The following MAGI2 variants were observed in gnomAD, a reference collection of about 807,000 sequenced individuals.
MAGI2 encodes the protein membrane associated guanylate kinase, WW and PDZ domain containing 2.
A neutral mutation model predicts 133.3 loss-of-function variants in MAGI2; 35 were observed. That is an observed-to-expected ratio of 0.26 (90% CI 0.20 to 0.35). The LOEUF (loss-of-function observed/expected upper bound fraction) is 0.35. Ranked by LOEUF, MAGI2 falls within the 10% of genes least tolerant of loss-of-function variation. The pLI, the probability that MAGI2 is intolerant of heterozygous loss-of-function variation, is 1.00. For synonymous variants in MAGI2, 729 were observed against 710.6 expected (o/e 1.03, Z -0.41); for missense variants, 1,636 against 1,863.4 (o/e 0.88, Z 2.25).
At chr7:78,557,010 T>G (rs1333446931) in intron 3 of MAGI2, among the ~76,000 whole-genome samples, 1 of 142,178 alleles carries the variant, frequency 7.0e-6, no homozygotes, top group Non-Finnish European at 1.5e-5. Flanking sequence ...AGAATGGTGT[T>G]AATCGGGCAG....
chr7:78,198,422 G>A (rs562793345), intron 11 of MAGI2, among the ~76,000 whole-genome samples: 3 of 144,624 alleles, frequency 2.1e-5, no homozygotes, highest in South Asian at 4.5e-4. Flanking sequence ...GTTCATGGCT[G>A]TGGCCGTTTT....
intron 9 of MAGI2, among the ~76,000 whole-genome samples, chr7:78,298,830 T>G (rs1797563899): frequency 6.8e-6 from 1 of 146,658 alleles, no homozygotes; most frequent in Admixed American, 6.8e-5. Context: ...TTTTTTTTTT[T>G]TTTGAGCTGG....
At chr7:78,742,712 A>G (rs6980006) in intron 2 of MAGI2, among the ~76,000 whole-genome samples, 146,814 of 152,312 alleles carry the variant, frequency 0.96, 70,794 homozygotes, top group East Asian at 1. Context: ...TCCATCAAGA[A>G]GTTAAATCTA....
At position 78,110,964 on chromosome 7, in the gene MAGI2, T is replaced by A. The variant is rs529444650; in HGVS notation, c.3567+14730A>T. 5.7e-4 allele frequency among the ~76,000 whole-genome samples: 87 copies of A among 152,270 alleles called. 5 individuals are homozygous for A. In the South Asian group the frequency reaches 0.018, roughly 31 times the overall value. ...TGCAAACCAAATCCTGTGTGAATCA[T>A]GATCAAGGTGCATTTCATATCCATT... On this transcript the variant is annotated intron_variant, in intron 20 of 21. Transcript: ENST00000354212.
At chr7:78,327,718 C>G (rs1455006008) in intron 9 of MAGI2, among the ~76,000 whole-genome samples, 1 of 152,096 alleles carries the variant, frequency 6.6e-6, no homozygotes, top group African/African-American at 2.4e-5. Flanking sequence ...AATGAATGAG[C>G]AAGTGGATGC....
intron 1 of MAGI2, among the ~76,000 whole-genome samples, chr7:79,342,012 T>C (rs1407501537): frequency 1.3e-5 from 2 of 152,228 alleles, no homozygotes; most frequent in Admixed American, 1.3e-4. Context: ...AACTAACTTT[T>C]CTTGAACTTG....
intron 21 of MAGI2, among the ~76,000 whole-genome samples, chr7:78,077,393 G>A (rs1010925969): frequency 6.9e-6 from 1 of 145,046 alleles, no homozygotes; most frequent in Non-Finnish European, 1.5e-5. Flanking sequence ...TCATGCCTGT[G>A]CTTATTGATA....
intron 1 of MAGI2, among the ~76,000 whole-genome samples, chr7:79,387,618 G>A (rs1844286373): frequency 6.6e-6 from 1 of 151,576 alleles, no homozygotes; most frequent in African/African-American, 2.4e-5. Context: ...ATTCTCTTTT[G>A]TCATAATCAT....
chr7:79,438,244 C>T (rs1291823407), intron 1 of MAGI2, among the ~76,000 whole-genome samples: 2 of 152,110 alleles, frequency 1.3e-5, no homozygotes, highest in Admixed American at 6.6e-5. Flanking sequence ...CGAGCCGGCG[C>T]TCATTATTCT....
At chr7:78,660,413 A>G (rs1411107951) in intron 2 of MAGI2, among the ~76,000 whole-genome samples, 3 of 149,870 alleles carry the variant, frequency 2.0e-5, no homozygotes, top group African/African-American at 7.4e-5. Flanking sequence ...ACTATTTTAT[A>G]GTGCTTCTCA....
At position 78,965,653 on chromosome 7, in the gene MAGI2, C is replaced by T. The variant is rs189910021; in HGVS notation, c.418+41437G>A. Reference sequence around the variant, plus strand: ...AGTTTACCAGAATATCAGAAACCATCCCTTTTAGATTAGTTGAAGATATAT... The same window carrying T: ...AGTTTACCAGAATATCAGAAACCATTCCTTTTAGATTAGTTGAAGATATAT... On this transcript the variant is annotated intron_variant, in intron 2 of 21. Coordinates refer to ENST00000354212, the MANE Select transcript of MAGI2 (RefSeq NM_012301.4). Among the ~76,000 whole-genome samples, 22 of 151,982 alleles carry T rather than the reference C, an allele frequency of 1.4e-4. No homozygotes were observed. In the South Asian group the frequency reaches 4.6e-3, roughly 32 times the overall value.
At chr7:78,670,047 A>C (rs2151069319) in intron 2 of MAGI2, among the ~76,000 whole-genome samples, 1 of 151,802 alleles carries the variant, frequency 6.6e-6, no homozygotes, top group Non-Finnish European at 1.5e-5. Context: ...CTCCTATTCA[A>C]CATAGTGTTG....
intron 9 of MAGI2, among the ~76,000 whole-genome samples, chr7:78,259,696 C>T (rs1193385640): frequency 1.3e-5 from 2 of 152,126 alleles, no homozygotes; most frequent in South Asian, 2.1e-4. Context: ...CTCTAAGGCT[C>T]TCCCTAACTT....
intron 21 of MAGI2, among the ~76,000 whole-genome samples, chr7:78,042,437 T>G (rs1438996305): frequency 2.0e-5 from 3 of 152,048 alleles, no homozygotes; most frequent in Admixed American, 6.6e-5. Context: ...ATTTTGGGAG[T>G]GTCTGGAGGG....
chr7:79,236,899 G>T (rs1831963937), intron 1 of MAGI2, among the ~76,000 whole-genome samples: 1 of 152,066 alleles, frequency 6.6e-6, no homozygotes, highest in African/African-American at 2.4e-5. Flanking sequence ...AATATAATTA[G>T]CTGAGGACAG....
At chr7:78,066,087 A>G (rs1403216628) in intron 21 of MAGI2, among the ~76,000 whole-genome samples, 1 of 152,200 alleles carries the variant, frequency 6.6e-6, no homozygotes, top group African/African-American at 2.4e-5. Flanking sequence ...ATAAATACGT[A>G]GTGTCCCCAT....
At chr7:79,024,807 A>G (rs940658643) in intron 1 of MAGI2, among the ~76,000 whole-genome samples, 2 of 151,634 alleles carry the variant, frequency 1.3e-5, no homozygotes, top group African/African-American at 4.8e-5. Context: ...ATGAGATACC[A>G]TCTCTCACTA....
intron 1 of MAGI2, among the ~76,000 whole-genome samples, chr7:79,435,032 C>T (rs1848042620): frequency 6.6e-6 from 1 of 152,194 alleles, no homozygotes; most frequent in South Asian, 2.1e-4. Flanking sequence ...GGCTTTCAAG[C>T]TTCCTGGCCT....
chr7:78,757,305 T>TTCTCTCTCTCTCTCTCCTCTCTC (rs1824052037), intron 2 of MAGI2, among the ~76,000 whole-genome samples: 4 of 145,292 alleles, frequency 2.8e-5, no homozygotes, highest in Non-Finnish European at 6.0e-5. Context: ...TTCTCCCTCC[T>TTCTCTCTCTCTCTCTCCTCTCTC]TCTCTCTCTC....
Sources: allele counts gnomAD v4.1 joint callset (sites outside exome capture counted in the v4.1 genomes callset), GRCh38; gene constraint gnomAD v4.1.1; transcripts MANE v1.5; gene names NCBI Gene and HGNC (gene_info 2026-07-23, HGNC 2026-07-21).